The following CHRM3 variants were observed in gnomAD, a reference collection of about 807,000 sequenced individuals.
CHRM3 encodes the protein cholinergic receptor muscarinic 3.
Under a neutral mutation model 41.8 loss-of-function variants are expected in CHRM3, and 11 were observed. That is an observed-to-expected ratio of 0.26 (90% CI 0.17 to 0.44). The LOEUF (loss-of-function observed/expected upper bound fraction) is 0.44, where lower values mean the gene tolerates loss of function less well. Ranked by LOEUF, CHRM3 falls within the 20% of genes least tolerant of loss-of-function variation. The probability of loss-of-function intolerance (pLI) is 1.00; values close to 1 mark genes in which losing one functional copy is unlikely to be tolerated. For synonymous variants in CHRM3, 297 were observed against 301.4 expected, an observed-to-expected ratio of 0.99 and a Z score of 0.15; for missense variants, 571 against 745.4, an observed-to-expected ratio of 0.77 and a Z score of 2.72.
chr1:239,813,842 G>A (rs900641773), intron 5 of CHRM3, among the ~76,000 whole-genome samples: 3 of 139,942 alleles, frequency 2.1e-5, no homozygotes, highest in South Asian at 2.3e-4. Context: ...GCGTGAACCC[G>A]GGAGGCGGAG....
chr1:239,843,170 A>T (rs1452078615), intron 6 of CHRM3, among the ~76,000 whole-genome samples: 2 of 152,162 alleles, frequency 1.3e-5, no homozygotes, highest in African/African-American at 4.8e-5. Context: ...TTGGTGACTT[A>T]GTGGCTTTGC....
chr1:239,700,411 A>G (rs966824016), intron 5 of CHRM3, among the ~76,000 whole-genome samples: 1 of 152,164 alleles, frequency 6.6e-6, no homozygotes, highest in African/African-American at 2.4e-5. Context: ...ATCTTTGACC[A>G]TTGGAAAATT....
In CHRM3 at chr1:239,657,185, CAT is replaced by C. The variant is rs547779640; in HGVS notation, c.-249-21000_-249-20999del. Among the ~76,000 whole-genome samples the C allele has an allele frequency of 6.7e-3, 1,015 of 152,242 alleles. 7 individuals carry two copies. Among genetic ancestry groups the C allele is most frequent in the Non-Finnish European group, 1.0e-2 (679 of 68,028 alleles). ...AATCCAGTAACATTTTATATGCTAA[CAT>C]TACATTGTACAAAATTATTTTGGAG... On this transcript the variant is annotated intron_variant, in intron 4 of 6. Transcript: ENST00000676153.
intron 6 of CHRM3, among the ~76,000 whole-genome samples, chr1:239,848,208 A>T (rs1674427024): frequency 6.6e-6 from 1 of 152,156 alleles, no homozygotes; most frequent in South Asian, 2.1e-4. Flanking sequence ...TGACTCAGCT[A>T]AGGAGAAAAT....
intron 6 of CHRM3, among the ~76,000 whole-genome samples, chr1:239,872,312 G>T (rs567775604): frequency 1.9e-4 from 29 of 152,322 alleles, no homozygotes; most frequent in African/African-American, 6.7e-4. Flanking sequence ...TCTATAAAAT[G>T]AGGTGATGAA....
intron 1 of CHRM3, among the ~76,000 whole-genome samples, chr1:239,428,678 TGTTTTA>T (rs989299084): frequency 6.6e-6 from 1 of 152,240 alleles, no homozygotes; most frequent in Non-Finnish European, 1.5e-5. Flanking sequence ...ATATTTTCCC[TGTTTTA>T]GTTTGTTTTT....
At chr1:239,744,007 G>T (rs1379836833) in intron 5 of CHRM3, among the ~76,000 whole-genome samples, 5 of 143,426 alleles carry the variant, frequency 3.5e-5, no homozygotes, top group African/African-American at 1.3e-4. Flanking sequence ...ACAGGGTCTT[G>T]CTATGTTGCT....
intron 5 of CHRM3, among the ~76,000 whole-genome samples, chr1:239,699,184 A>G (rs1363725813): frequency 4.6e-5 from 7 of 152,006 alleles, no homozygotes; most frequent in Non-Finnish European, 7.4e-5. Flanking sequence ...CTGTTTTACT[A>G]CATAGTTTTG....
intron 5 of CHRM3, among the ~76,000 whole-genome samples, chr1:239,727,446 AG>A (rs1663546979): frequency 1.3e-5 from 2 of 151,978 alleles, no homozygotes; most frequent in South Asian, 2.1e-4. Flanking sequence ...AATTTTAAAA[AG>A]CTTTTGTGCT....
At chr1:239,630,098 A>T (rs1669636271) in intron 3 of CHRM3, among the ~76,000 whole-genome samples, 1 of 152,214 alleles carries the variant, frequency 6.6e-6, no homozygotes, top group South Asian at 2.1e-4. Context: ...GAGAAATTTA[A>T]TCAGAGAAAC....
rs1430712003 is a variant in CHRM3 at position 239,453,092 on chromosome 1, G to A, written c.-520-39617G>A. Among the ~76,000 whole-genome samples, 4 of 152,200 alleles carry A rather than the reference G, an allele frequency of 2.6e-5. No individual in the cohort carries two copies. The East Asian group carries it at 7.7e-4, about 29-fold the overall frequency. ...TGGGATTACAGGCGCGAGCCACCGC[G>A]CCCGGCCCAGGCTTGCTTCTAATTA... On this transcript the variant is annotated intron_variant, in intron 1 of 6. Transcript: ENST00000676153.
At chr1:239,404,445 AGAAAGAAAG>A (rs1660383880) in intron 1 of CHRM3, among the ~76,000 whole-genome samples, 1 of 139,864 alleles carries the variant, frequency 7.1e-6, no homozygotes, top group Non-Finnish European at 1.6e-5. Context: ...AAAGAAAGAA[AGAAAGAAAG>A]AAAGAAAGAA....
intron 2 of CHRM3, among the ~76,000 whole-genome samples, chr1:239,493,900 G>C (rs1428342021): frequency 6.6e-6 from 1 of 152,082 alleles, no homozygotes; most frequent in Non-Finnish European, 1.5e-5. Context: ...CTTTACACAG[G>C]AAAGAATTCA....
intron 5 of CHRM3, among the ~76,000 whole-genome samples, chr1:239,699,996 G>A (rs72758744): frequency 0.016 from 2,479 of 151,952 alleles, 33 homozygotes; most frequent in Non-Finnish European, 0.025. Flanking sequence ...CTATTCAGCA[G>A]GATTCATTTT....
chr1:239,866,407 A>G (rs1467988279), intron 6 of CHRM3, among the ~76,000 whole-genome samples: 1 of 149,546 alleles, frequency 6.7e-6, no homozygotes, highest in Non-Finnish European at 1.5e-5. Context: ...CTCAAAAACA[A>G]AAAAAAAAAA....
chr1:239,658,318 A>G (rs1209806688), intron 4 of CHRM3, among the ~76,000 whole-genome samples: 3 of 152,222 alleles, frequency 2.0e-5, no homozygotes, highest in Non-Finnish European at 4.4e-5. Flanking sequence ...TTCTCATAAT[A>G]ACTAGTAGGT....
chr1:239,904,145 A>T (rs1446827613), intron 6 of CHRM3, among the ~76,000 whole-genome samples: 1 of 152,174 alleles, frequency 6.6e-6, no homozygotes, highest in Non-Finnish European at 1.5e-5. Flanking sequence ...GAAAGCAGAG[A>T]CCTAGATAGT....
intron 1 of CHRM3, among the ~76,000 whole-genome samples, chr1:239,395,639 A>T (rs535407557): frequency 6.6e-6 from 1 of 152,306 alleles, no homozygotes; most frequent in African/African-American, 2.4e-5. Context: ...CTGATCCATG[A>T]GGGCTGGGTT....
intron 3 of CHRM3, among the ~76,000 whole-genome samples, chr1:239,608,537 T>C (rs1452506360): frequency 6.6e-6 from 1 of 152,192 alleles, no homozygotes. Flanking sequence ...TACTTTTACA[T>C]AGAAGGAAGT....
Sources: allele counts gnomAD v4.1 joint callset (sites outside exome capture counted in the v4.1 genomes callset), GRCh38; gene constraint gnomAD v4.1.1; transcripts MANE v1.5; gene names NCBI Gene and HGNC (gene_info 2026-07-23, HGNC 2026-07-21).